STING1: variants seen among roughly 807,000 people sequenced by gnomAD.
STING1 encodes the protein stimulator of interferon response cGAMP interactor 1.
In STING1, 19 loss-of-function variants were observed where a neutral mutation model predicts 31.6. The observed-to-expected ratio is 0.60, with a 90% confidence interval of 0.42 to 0.88. The LOEUF (loss-of-function observed/expected upper bound fraction) is 0.88. STING1 is among the 40% of genes least tolerant of loss of function. STING1 has a pLI of 0.00. For missense variants in STING1, 371 were observed against 483.7 expected (o/e 0.77, Z 2.19); for synonymous variants, 200 against 208.6 (o/e 0.96, Z 0.35).
In STING1 at chr5:139,476,342, A is replaced by G; in HGVS notation, c.1059T>C (p.Ser353=). The G allele has an allele frequency of 3.1e-6, 5 of 1,612,600 alleles. No homozygotes were observed. Among genetic ancestry groups the G allele is most frequent in the Non-Finnish European group, 4.2e-6 (5 of 1,179,862 alleles). Residue 353 remains serine, a synonymous_variant, in exon 8 of 8, where the codon AGT becomes AGC. Coordinates refer to ENST00000330794, the MANE Select transcript of STING1 (RefSeq NM_198282.4). ...CAGGCTCTTGGGACATCGTGGAGGT[A>G]CTGGGCACCGCTGAGGTCTTCAAGC... The part of the protein sequence containing the change: ...VGSLKTSAVP[S]TSTMSQEPEL...
chr5:139,478,024 G>A (rs534051570), intron 6 of STING1, among the ~76,000 whole-genome samples: 25 of 152,212 alleles, frequency 1.6e-4, no homozygotes, highest in Non-Finnish European at 3.4e-4. Flanking sequence ...CTACCCCATA[G>A]GGTGGTGGTG....
Position 139,481,583 on chromosome 5 carries a change from T to G in STING1, c.122A>C (p.Glu41Ala). 1 of 1,613,740 alleles carries G rather than the reference T, an allele frequency of 6.2e-7. No individual in the cohort carries two copies. The highest frequency in any genetic ancestry group is 1.3e-5 in the African/African-American group (1 of 75,000). Residue 41 changes from glutamate to alanine, a missense_variant, in exon 3 of 8, where the codon GAG (glutamate) becomes GCG (alanine). Physicochemically the swap from Glu to Ala is moderately radical, Grantham distance 107. Transcript: ENST00000330794. This position sits in a 1 kb window ranked among gnomAD's most constrained non-coding sequence, Gnocchi z 4.1. ...GAGCACCAGGTACCGGAGAGTGTGC[T>G]CTGGTGGCTCTCCTAGCCCCCAAAG... ...VTLWGLGEPP[E>A]HTLRYLVLHL...
intron 7 of STING1, 60 bp downstream of exon 7, chr5:139,477,269 G>A: frequency 2.6e-6 from 4 of 1,565,306 alleles, no homozygotes; most frequent in Non-Finnish European, 3.5e-6. Context: ...GGGAGACCCT[G>A]GGACCCCTGA....
chr5:139,477,199 C>T, intron 7 of STING1, 130 bp downstream of exon 7: 1 of 953,774 alleles, frequency 1.0e-6, no homozygotes, highest in South Asian at 1.6e-5. Context: ...GAGGGGGCTT[C>T]TCCCAGGGAA....
chr5:139,476,378 A>G lies in STING1; in HGVS notation c.1023T>C (p.Val341=). Residue 341 remains valine (V), a synonymous_variant, in exon 8 of 8, where the codon GTT becomes GTC. Coordinates refer to ENST00000330794, the MANE Select transcript of STING1 (RefSeq NM_198282.4). Reference sequence around the variant, plus strand: ...CTGAGGTCTTCAAGCTGCCCACAGTAACCTCTTCCTTTTCCTCCTGCCGCA... The same window carrying G: ...CTGAGGTCTTCAAGCTGCCCACAGTGACCTCTTCCTTTTCCTCCTGCCGCA... ...RHLRQEEKEE[V]TVGSLKTSAV... The G allele has an allele frequency of 6.2e-7, 1 of 1,612,738 alleles. No homozygotes were observed. The highest frequency in any genetic ancestry group is 8.5e-7 in the Non-Finnish European group (1 of 1,180,008).
At chr5:139,479,213 CAGAA>C (rs1319515128) in intron 5 of STING1, 6 of 150,990 alleles carry the variant, frequency 4.0e-5, no homozygotes, top group African/African-American at 1.5e-4. Context: ...GGCTGGGTAA[CAGAA>C]AGAGACTTCA....
At chr5:139,477,172 A>G (rs186125317) in intron 7 of STING1, among the ~76,000 whole-genome samples, 157 bp downstream of exon 7, 34 of 152,218 alleles carry the variant, frequency 2.2e-4, no homozygotes, top group Admixed American at 2.2e-3. Context: ...CTAAAAAGCA[A>G]TCTGGTGTGC....
At position 139,481,273 on chromosome 5, in the gene STING1, C is replaced by G; in HGVS notation, c.297G>C (p.Leu99Phe). 1 of 1,613,762 alleles carries G rather than the reference C, an allele frequency of 6.2e-7. No individual in the cohort carries two copies. ...AGTAGTAGAAATAGATGGACAGCAG[C>G]AACAGGGCCCCACGGCGGAGGGGGC... The part of the protein sequence containing the change: ...LGCPLRRGAL[L>F]LLSIYFYYSL... Residue 99 changes from leucine to phenylalanine, a missense_variant, in exon 4 of 8, where the codon TTG becomes TTC. Leu to Phe is a conservative substitution (Grantham distance 22, BLOSUM62 0). Transcript: ENST00000330794. The surrounding 1 kb of genome is among the most constrained non-coding windows in gnomAD (Gnocchi z 4.1).
chr5:139,475,992 C>CT lies in STING1; in HGVS notation c.*268dup, dbSNP rs1751647697. 5.3e-6 allele frequency: 2 copies of CT among 379,284 alleles called. No individual in the cohort carries two copies. Among genetic ancestry groups the CT allele is most frequent in the Non-Finnish European group, 9.6e-6 (2 of 207,486 alleles). 23.5% of individuals were successfully genotyped at this position (379,284 alleles called of 1,614,324 possible). ...ACTAGCATCCAAAGTTTATGAAAAA[C>CT]TTCCACACACTCAGTCCTCACAACA... On this transcript the variant is annotated 3_prime_UTR_variant, in exon 8 of 8. Transcript: ENST00000330794.
At chr5:139,480,417 G>A (rs529491726) in intron 5 of STING1, among the ~76,000 whole-genome samples, 2 of 152,088 alleles carry the variant, frequency 1.3e-5, no homozygotes, top group East Asian at 1.9e-4. Context: ...GTTGTGGTGG[G>A]TGCCTATAAT....
chr5:139,479,677 G>A (rs554840725), intron 5 of STING1, among the ~76,000 whole-genome samples: 12 of 149,054 alleles, frequency 8.1e-5, no homozygotes, highest in South Asian at 2.1e-4. Flanking sequence ...ACTTCAGCCC[G>A]GGTGAAAAAG....
rs968739137 is a variant in STING1, at chr5:139,479,531, G to A, written c.521-1023C>T. 3.3e-5 allele frequency among the ~76,000 whole-genome samples: 5 copies of A among 151,456 alleles called. No individual in the cohort carries two copies. The South Asian group carries it at 1.0e-3, about 32-fold the overall frequency. On this transcript the variant is annotated intron_variant, in intron 5 of 7. Coordinates refer to ENST00000330794, the MANE Select transcript of STING1 (RefSeq NM_198282.4). Reference sequence around the variant, plus strand: ...AGCCTACCCAACATGGTGAAACCCCGTCTGTACTGAAAATACAAAAATTAG... The same window carrying A: ...AGCCTACCCAACATGGTGAAACCCCATCTGTACTGAAAATACAAAAATTAG...
In STING1 at chr5:139,477,519, G is replaced by C. The variant is rs549790890; in HGVS notation, c.760-4C>G. ...ACTCCAGGACACAGGTGCCCGCCTA[G>C]AGGAGGTAAGAGGAAGACCAGACTA... On this transcript the variant is annotated splice_polypyrimidine_tract_variant and splice_region_variant and intron_variant, in intron 6 of 7. Coordinates refer to ENST00000330794, the MANE Select transcript of STING1 (RefSeq NM_198282.4). 3.7e-5 allele frequency: 59 copies of C among 1,612,476 alleles called. 1 individual carries two copies. In the South Asian group the frequency reaches 6.4e-4, roughly 17 times the overall value.
Position 139,476,207 on chromosome 5 carries a change from C to T in STING1, c.*54G>A. ...GGACATTCAGCCACTGAAGAGAGCCCCCAGTCCAGAGGCTTGGAGACCACT... is the reference window on the plus strand; with the variant it reads ...GGACATTCAGCCACTGAAGAGAGCCTCCAGTCCAGAGGCTTGGAGACCACT... On this transcript the variant is annotated 3_prime_UTR_variant, in exon 8 of 8. Transcript: ENST00000330794. 1.4e-6 allele frequency: 2 copies of T among 1,396,590 alleles called. No individual in the cohort carries two copies. The highest frequency in any genetic ancestry group is 1.3e-5 in the South Asian group (1 of 78,128). The allele number at this position is 1,396,590 out of a possible 1,614,324, so 86.5% of individuals were successfully genotyped here. A position where few individuals can be genotyped will look rare whatever the true frequency, so the allele number is the denominator to read the frequency against.
rs1751717687 is a variant in STING1, at chr5:139,478,172, CA to C, written c.759+97del. On this transcript the variant is annotated intron_variant, in intron 6 of 7. Transcript: ENST00000330794. The stretch of plus-strand genomic sequence containing the variant: ...GGGACCAGCTAGGGACACTACAGCT[CA>C]GAGAAGGGCAGTGAATTTTCATCAG... 4 of 916,128 alleles carry C rather than the reference CA, an allele frequency of 4.4e-6. No individual in the cohort carries two copies. In the Admixed American group the frequency reaches 6.1e-5, roughly 14 times the overall value. 56.7% of individuals were successfully genotyped at this position (916,128 alleles called of 1,614,324 possible).
intron 6 of STING1, 151 bp downstream of exon 6, chr5:139,478,119 C>T (rs1381649317): frequency 6.0e-6 from 4 of 670,472 alleles, no homozygotes; most frequent in Non-Finnish European, 1.1e-5. Flanking sequence ...TCATCATTAT[C>T]ATTCAGAGCT....
intron 5 of STING1, 100 bp from the exon 6 acceptor site, chr5:139,478,608 C>T (rs1353056022): frequency 9.5e-7 from 1 of 1,054,370 alleles, no homozygotes; most frequent in Non-Finnish European, 1.4e-6. Flanking sequence ...GTGTGGGTGC[C>T]AGAGAATGGA....
At chr5:139,479,725 TG>T (rs995317344) in intron 5 of STING1, among the ~76,000 whole-genome samples, 10 of 140,876 alleles carry the variant, frequency 7.1e-5, no homozygotes, top group Admixed American at 1.4e-4. Context: ...AATCTAAGGC[TG>T]GTGCAGTGGC....
At chr5:139,480,731 C>T (rs1460983473) in intron 5 of STING1, 59 bp downstream of exon 5, 2 of 1,036,636 alleles carry the variant, frequency 1.9e-6, no homozygotes, top group African/African-American at 3.1e-5. Flanking sequence ...ACACAAGAGG[C>T]TGTGTGTCTT....
Sources: gnomAD v4.1 joint callset for allele counts (sites outside exome capture counted in the v4.1 genomes callset) on GRCh38, gnomAD v4.1.1 for gene constraint, Gnocchi (gnomAD v3.1) non-coding constraint, MANE v1.5 for transcripts, NCBI Gene and HGNC (gene_info 2026-07-23, HGNC 2026-07-21) for gene names.